The following TENM1 variants were observed in gnomAD, a reference collection of about 807,000 sequenced individuals.
TENM1 encodes the protein teneurin transmembrane protein 1.
TENM1 carries 35 observed loss-of-function variants against 174.8 expected under a neutral mutation model. That is an observed-to-expected ratio of 0.20 (90% CI 0.15 to 0.27). The LOEUF (loss-of-function observed/expected upper bound fraction) is 0.27. Ranked by LOEUF, TENM1 falls within the 10% of genes least tolerant of loss-of-function variation. The pLI is 1.00. For synonymous variants in TENM1, 781 were observed against 798.7 expected (o/e 0.98, Z 0.37); for missense variants, 1,633 against 2,130.1 (o/e 0.77, Z 4.59).
chrX:124,662,516 C>T (rs1356505696), intron 6 of TENM1, among the ~76,000 whole-genome samples: 1 of 97,851 alleles, frequency 1.0e-5, no homozygotes, highest in African/African-American at 3.8e-5. Context: ...AAACTAATAA[C>T]ATGACCCAAC....
chrX:124,754,905 C>T (rs1256857779), intron 3 of TENM1, among the ~76,000 whole-genome samples: 2 of 105,861 alleles, frequency 1.9e-5, no homozygotes, highest in Non-Finnish European at 3.8e-5. Context: ...GCTTTACTTC[C>T]AACTATGTGG....
chrX:124,492,605 T>C (rs1022487715), intron 20 of TENM1, among the ~76,000 whole-genome samples: 7 of 111,170 alleles, frequency 6.3e-5, no homozygotes, highest in African/African-American at 2.3e-4. Flanking sequence ...TTTGATGGTT[T>C]TGAATATAGT....
chrX:125,159,228 G>A, the TENM1 span, among the ~76,000 whole-genome samples: 1 of 112,140 alleles, frequency 8.9e-6, no homozygotes, highest in African/African-American at 3.2e-5. Context: ...GCCCCTTAAC[G>A]TATCCTCATG....
chrX:124,870,435 C>T (rs1269716387), intron 3 of TENM1, among the ~76,000 whole-genome samples: 4 of 111,295 alleles, frequency 3.6e-5, no homozygotes, highest in African/African-American at 1.3e-4. Context: ...GAAATAAAGA[C>T]AAGGTAGAGC....
chrX:124,811,872 G>A (rs748046285), intron 3 of TENM1, among the ~76,000 whole-genome samples: 1 of 111,355 alleles, frequency 9.0e-6, no homozygotes, highest in East Asian at 2.8e-4. Context: ...CAACATGGAT[G>A]AGCCTGCAGG....
At chrX:125,049,662 T>G in the TENM1 span, among the ~76,000 whole-genome samples, 1 of 112,035 alleles carries the variant, frequency 8.9e-6, no homozygotes, top group Non-Finnish European at 1.9e-5. Flanking sequence ...AAGCAATGTA[T>G]AAGTGTTTTA....
intron 22 of TENM1, among the ~76,000 whole-genome samples, chrX:124,454,580 T>C (rs920740404): frequency 9.0e-6 from 1 of 111,122 alleles, no homozygotes; most frequent in Non-Finnish European, 1.9e-5. Flanking sequence ...GTTTTTTGTA[T>C]TTTTAGTAGA....
At chrX:124,654,924 C>T (rs1268189405) in intron 6 of TENM1, among the ~76,000 whole-genome samples, 1 of 111,314 alleles carries the variant, frequency 9.0e-6, no homozygotes, top group Non-Finnish European at 1.9e-5. Flanking sequence ...AACTACATCT[C>T]AGTGAAAAAT....
chrX:124,949,656 A>G (rs2058452901), intron 1 of TENM1, among the ~76,000 whole-genome samples: 1 of 111,753 alleles, frequency 8.9e-6, no homozygotes, highest in Non-Finnish European at 1.9e-5. Flanking sequence ...TTAGAGGACA[A>G]TCCCATTACA....
At chrX:124,537,667 T>G (rs1049284677) in intron 15 of TENM1, among the ~76,000 whole-genome samples, 2 of 111,970 alleles carry the variant, frequency 1.8e-5, no homozygotes, top group Non-Finnish European at 3.8e-5. Flanking sequence ...GTGTGTGTAG[T>G]GGAGATGAGC....
At chrX:124,882,900 ATTTG>A (rs1164645075) in intron 3 of TENM1, among the ~76,000 whole-genome samples, 9 of 111,619 alleles carry the variant, frequency 8.1e-5, no homozygotes, top group East Asian at 5.7e-4. Context: ...ACATTTTTCC[ATTTG>A]TTTGTGTCAT....
At chrX:124,658,659 A>T (rs756061026) in intron 6 of TENM1, among the ~76,000 whole-genome samples, 10 of 112,069 alleles carry the variant, frequency 8.9e-5, no homozygotes, top group Non-Finnish European at 1.9e-4. Context: ...GATAATAGAT[A>T]GCTCACTGTG....
chrX:124,559,046 T>C (rs1021147542), intron 14 of TENM1, among the ~76,000 whole-genome samples: 2 of 111,672 alleles, frequency 1.8e-5, no homozygotes, highest in African/African-American at 6.5e-5. Context: ...TTTAAACATT[T>C]TGGCTGCCTT....
chrX:125,048,641 G>T, the TENM1 span, among the ~76,000 whole-genome samples: 1 of 111,123 alleles, frequency 9.0e-6, no homozygotes, highest in African/African-American at 3.3e-5. Flanking sequence ...AAGGTTGTTA[G>T]TAAGACTATT....
At chrX:124,422,474 G>A in exon 24 of TENM1, 2 of 1,211,408 alleles carry the variant, frequency 1.7e-6, no homozygotes, top group Non-Finnish European at 2.2e-6. Flanking sequence ...CTACCTTGCT[G>A]ACCAGGAAAT....
rs57038135 is a variant in TENM1 at position 124,641,756 on chromosome X, GT to G, written c.2077+34del. ...AGGAAGGAACAGTTAGAATTTAAGA[GT>G]AGAGGAAGGAGAAGGAAATTAACTC... On this transcript the variant is annotated intron_variant, in intron 11 of 31. Coordinates refer to ENST00000422452, the Ensembl canonical transcript of TENM1. The G allele has an allele frequency of 1.7e-3, 1,952 of 1,146,556 alleles. 20 individuals carry two copies. The African/African-American group carries it at 0.031, about 18-fold the overall frequency. The allele number at this position is 1,146,556 out of a possible 1,213,427, so 94.5% of individuals were successfully genotyped here.
chrX:125,064,652 T>C, the TENM1 span, among the ~76,000 whole-genome samples: 1 of 111,566 alleles, frequency 9.0e-6, no homozygotes, highest in African/African-American at 3.3e-5. Context: ...GCAGAAACAA[T>C]AGCCAACACC....
intron 3 of TENM1, among the ~76,000 whole-genome samples, chrX:124,775,296 A>T (rs1314015640): frequency 1.1e-5 from 1 of 90,482 alleles, no homozygotes; most frequent in Non-Finnish European, 2.1e-5. Context: ...ACAGAGCAAG[A>T]CTCCGTCAAA....
chrX:125,153,929 T>C, the TENM1 span, among the ~76,000 whole-genome samples: 6 of 112,327 alleles, frequency 5.3e-5, no homozygotes, highest in African/African-American at 1.6e-4. Flanking sequence ...TATTGTTGAG[T>C]GGTATTTCTC....
Sources: gnomAD v4.1 joint callset for allele counts (sites outside exome capture counted in the v4.1 genomes callset) on GRCh38, gnomAD v4.1.1 for gene constraint, MANE v1.5 for transcripts, NCBI Gene and HGNC (gene_info 2026-07-23, HGNC 2026-07-21) for gene names.